THOC2: variants seen among roughly 807,000 people sequenced by gnomAD.
The protein encoded by THOC2 is THO complex subunit 2.
A neutral mutation model predicts 128.4 loss-of-function variants in THOC2; 10 were observed. The ratio of observed to expected loss-of-function variants is 0.08; its 90% CI spans 0.05 to 0.13. The LOEUF (loss-of-function observed/expected upper bound fraction) is 0.13. THOC2 is among the 10% of genes least tolerant of loss of function. THOC2 has a pLI of 1.00. For synonymous variants in THOC2, 393 were observed against 396.9 expected (o/e 0.99, Z 0.12); for missense variants, 535 against 1,155.7 (o/e 0.46, Z 7.79).
At chrX:123,715,446 T>TAA (rs1220057910) in intron 1 of THOC2, among the ~76,000 whole-genome samples, 1 of 108,994 alleles carries the variant, frequency 9.2e-6, no homozygotes, top group Non-Finnish European at 1.9e-5. Context: ...AAGGAAATAA[T>TAA]AAAGATTAGG....
At chrX:123,650,688 C>T (rs2048317706) in intron 12 of THOC2, among the ~76,000 whole-genome samples, 1 of 111,299 alleles carries the variant, frequency 9.0e-6, no homozygotes, top group Non-Finnish European at 1.9e-5. Context: ...GTTAAAACAA[C>T]AAAGATCAAA....
chrX:123,621,824 C>G (rs1175614073), intron 30 of THOC2, among the ~76,000 whole-genome samples: 1 of 111,353 alleles, frequency 9.0e-6, no homozygotes, highest in Non-Finnish European at 1.9e-5. Context: ...GGGTGGATCA[C>G]TTGAGGTCAG....
At chrX:123,723,985 T>TAA (rs1224570115) in intron 1 of THOC2, among the ~76,000 whole-genome samples, 8 of 111,802 alleles carry the variant, frequency 7.2e-5, no homozygotes, top group Non-Finnish European at 1.5e-4. Flanking sequence ...TGAGGTTTCA[T>TAA]GACTTCTCTG....
chrX:123,686,734 C>T lies in THOC2; in HGVS notation c.602-20G>A, dbSNP rs777603888. The T allele has an allele frequency of 3.6e-6, 4 of 1,113,799 alleles. No homozygotes were observed. The South Asian group carries it at 7.3e-5, about 20-fold the overall frequency. The allele number at this position is 1,113,799 out of a possible 1,213,427, so 91.8% of individuals were successfully genotyped here. A position where few individuals can be genotyped will look rare whatever the true frequency, so the allele number is the denominator to read the frequency against. On this transcript the variant is annotated intron_variant, in intron 7 of 38. Transcript: ENST00000245838. ...AGCATCCTGCAACAGATGAGACATA[C>T]AAAAATTTAAAAATGATTATACATC...
At chrX:123,647,002 G>C (rs1184480630) in intron 12 of THOC2, among the ~76,000 whole-genome samples, 3 of 111,633 alleles carry the variant, frequency 2.7e-5, no homozygotes, top group African/African-American at 6.5e-5. Context: ...TTTTCCCATA[G>C]AAATAAAACA....
chrX:123,660,011 C>G (rs960745650), intron 12 of THOC2, among the ~76,000 whole-genome samples: 2 of 112,072 alleles, frequency 1.8e-5, no homozygotes, highest in African/African-American at 6.5e-5. Flanking sequence ...GATCAAAATT[C>G]TAACTCAGAT....
chrX:123,644,982 C>T, intron 13 of THOC2, 73 bp from the exon 14 acceptor site: 1 of 914,544 alleles, frequency 1.1e-6, no homozygotes, highest in Non-Finnish European at 1.5e-6. Context: ...TTTATAACAG[C>T]CTTGGGAAAA....
intron 7 of THOC2, among the ~76,000 whole-genome samples, chrX:123,689,786 T>C (rs2050143810): frequency 8.9e-6 from 1 of 111,771 alleles, no homozygotes; most frequent in African/African-American, 3.3e-5. Context: ...AGTGAGACTC[T>C]AATAATAATC....
At position 123,665,863 on chromosome X, in the gene THOC2, A is replaced by G. The variant is rs376503290; in HGVS notation, c.1191-26T>C. The stretch of plus-strand genomic sequence containing the variant: ...CTATTTTAAAAAGTAAAATAAATAA[A>G]TAAACAAATAAATAAGTATATAATA... On this transcript the variant is annotated intron_variant, in intron 11 of 38. Transcript: ENST00000245838. 2.8e-5 allele frequency: 24 copies of G among 855,251 alleles called. No homozygotes were observed. In the African/African-American group the frequency reaches 4.6e-4, roughly 16 times the overall value. The allele number at this position is 855,251 out of a possible 1,213,427, so 70.5% of individuals were successfully genotyped here.
chrX:123,657,957 ATGCGTGTG>A (rs2048669805), intron 12 of THOC2, among the ~76,000 whole-genome samples: 1 of 76,843 alleles, frequency 1.3e-5, no homozygotes, highest in Non-Finnish European at 2.4e-5. Flanking sequence ...ACATACGCAT[ATGCGTGTG>A]TGTGTGTGTG....
intron 33 of THOC2, among the ~76,000 whole-genome samples, chrX:123,614,435 A>G (rs1390356667): frequency 9.0e-6 from 1 of 110,734 alleles, no homozygotes; most frequent in African/African-American, 3.3e-5. Flanking sequence ...ACTCATTAGT[A>G]AATTCACAAG....
At chrX:123,630,284 T>C (rs1025637969) in intron 22 of THOC2, among the ~76,000 whole-genome samples, 5 of 111,659 alleles carry the variant, frequency 4.5e-5, no homozygotes, top group Non-Finnish European at 9.4e-5. Context: ...CAATTATTGC[T>C]GTACTTCTCA....
At chrX:123,720,137 C>A (rs1216315672) in intron 1 of THOC2, among the ~76,000 whole-genome samples, 1 of 107,582 alleles carries the variant, frequency 9.3e-6, no homozygotes, top group African/African-American at 3.4e-5. Flanking sequence ...CAGAGTGAGA[C>A]CTTGTCTCAA....
chrX:123,692,334 G>A (rs948218916), intron 7 of THOC2, among the ~76,000 whole-genome samples: 4 of 111,149 alleles, frequency 3.6e-5, no homozygotes, highest in Non-Finnish European at 5.7e-5. Flanking sequence ...CTATTCATTC[G>A]TATTTAATAA....
chrX:123,724,896 G>C (rs1238177030), intron 1 of THOC2, among the ~76,000 whole-genome samples: 3 of 110,466 alleles, frequency 2.7e-5, no homozygotes, highest in African/African-American at 9.9e-5. Flanking sequence ...TCGTAACGTG[G>C]TGAAACCCTG....
At chrX:123,686,458 C>A in intron 8 of THOC2, 90 bp downstream of exon 8, 1 of 748,662 alleles carries the variant, frequency 1.3e-6, no homozygotes, top group Non-Finnish European at 1.9e-6. Context: ...TGAGATGAGA[C>A]CAATCATTTA....
At chrX:123,612,922 G>A (rs1311768132) in intron 36 of THOC2, among the ~76,000 whole-genome samples, 1 of 111,726 alleles carries the variant, frequency 9.0e-6, no homozygotes, top group Non-Finnish European at 1.9e-5. Flanking sequence ...GTAAGAGAAT[G>A]TATCTTATAC....
chrX:123,687,344 C>G (rs1252242165), intron 7 of THOC2, among the ~76,000 whole-genome samples: 2 of 111,651 alleles, frequency 1.8e-5, no homozygotes, highest in Non-Finnish European at 3.8e-5. Context: ...GAGTTGGAGG[C>G]TCCTGGTTTA....
intron 1 of THOC2, among the ~76,000 whole-genome samples, chrX:123,728,831 TCAAA>T (rs2052108107): frequency 8.9e-6 from 1 of 112,252 alleles, no homozygotes; most frequent in Non-Finnish European, 1.9e-5. Flanking sequence ...AATAAGCTAT[TCAAA>T]CAAACAGATG....
Sources: allele counts gnomAD v4.1 joint callset (sites outside exome capture counted in the v4.1 genomes callset), GRCh38; gene constraint gnomAD v4.1.1; transcripts MANE v1.5; gene names NCBI Gene and HGNC (gene_info 2026-07-23, HGNC 2026-07-21).